PPP3CC: variants seen among roughly 807,000 people sequenced by gnomAD.
The protein encoded by PPP3CC is protein phosphatase 3 catalytic subunit gamma, also known as serine/threonine-protein phosphatase 2B catalytic subunit gamma isoform.
A neutral mutation model predicts 60.3 loss-of-function variants in PPP3CC; 35 were observed. That is an observed-to-expected ratio of 0.58 (90% CI 0.44 to 0.77). The LOEUF (loss-of-function observed/expected upper bound fraction) is 0.77. Among genes scored for constraint, PPP3CC ranks in the 30% least tolerant of loss-of-function variants. PPP3CC has a pLI of 0.00. For synonymous variants in PPP3CC, 206 were observed against 224.3 expected (o/e 0.92, Z 0.73); for missense variants, 570 against 628.9 (o/e 0.91, Z 1.00).
At chr8:22,501,602 A>C (rs1349609781) in intron 4 of PPP3CC, among the ~76,000 whole-genome samples, 1 of 152,218 alleles carries the variant, frequency 6.6e-6, no homozygotes, top group Non-Finnish European at 1.5e-5. Context: ...TGTCGCCACC[A>C]GTGGTAGTTC....
intron 1 of PPP3CC, among the ~76,000 whole-genome samples, chr8:22,443,565 A>C (rs984494064): frequency 6.6e-6 from 1 of 151,412 alleles, no homozygotes; most frequent in African/African-American, 2.4e-5. Flanking sequence ...ATTGCTACGC[A>C]TGCTTATTAT....
At chr8:22,525,461 TTTTC>T (rs754268840) in intron 8 of PPP3CC, among the ~76,000 whole-genome samples, 25 of 151,698 alleles carry the variant, frequency 1.6e-4, no homozygotes, top group Non-Finnish European at 3.4e-4. Context: ...TCTCTCTTTC[TTTTC>T]TTTCTTTTTC....
In PPP3CC at chr8:22,531,255, A is replaced by C. The variant is rs1277955385; in HGVS notation, c.1142-970A>C. ...TGTAAACATAAATTTCTCTTCTCATATTTCTGTCTTCATCTCCTTGTTTCT... is the reference window on the plus strand; with the variant it reads ...TGTAAACATAAATTTCTCTTCTCATCTTTCTGTCTTCATCTCCTTGTTTCT... On this transcript the variant is annotated intron_variant, in intron 10 of 13. Coordinates refer to ENST00000240139, the MANE Select transcript of PPP3CC (RefSeq NM_005605.5). 3 of 1,489,642 alleles carry C rather than the reference A, an allele frequency of 2.0e-6. No homozygotes were observed. In the African/African-American group the frequency reaches 4.2e-5, roughly 21 times the overall value. 92.3% of individuals were successfully genotyped at this position (1,489,642 alleles called of 1,614,324 possible). A position where few individuals can be genotyped will look rare whatever the true frequency, so the allele number is the denominator to read the frequency against.
chr8:22,480,267 CA>C (rs1223028766), intron 3 of PPP3CC, among the ~76,000 whole-genome samples: 1 of 151,936 alleles, frequency 6.6e-6, no homozygotes, highest in Non-Finnish European at 1.5e-5. Flanking sequence ...ATGAGTTATA[CA>C]ATTTTTATGA....
At chr8:22,465,845 T>A (rs543008016) in intron 1 of PPP3CC, among the ~76,000 whole-genome samples, 104 of 152,320 alleles carry the variant, frequency 6.8e-4, no homozygotes, top group Admixed American at 1.0e-3. Flanking sequence ...TTGCTTTTTT[T>A]AAAAAATTAT....
chr8:22,474,101 C>T (rs900384929), intron 1 of PPP3CC, among the ~76,000 whole-genome samples: 2 of 150,986 alleles, frequency 1.3e-5, no homozygotes, highest in African/African-American at 2.4e-5. Context: ...TGCCATGTTG[C>T]CCAGGCTGGT....
At position 22,475,640 on chromosome 8, in the gene PPP3CC, G is replaced by C. The variant is rs1242916412; in HGVS notation, c.372+16G>C. On this transcript the variant is annotated intron_variant, in intron 3 of 13. Transcript: ENST00000240139. ...CAGTATAGAGGTAAAAATTAAACTG[G>C]ATATGTTGGGACTATTATATTGTCT... The C allele has an allele frequency of 1.2e-6, 2 of 1,603,798 alleles. No individual in the cohort carries two copies. Among genetic ancestry groups the C allele is most frequent in the Non-Finnish European group, 8.5e-7 (1 of 1,173,842 alleles).
chr8:22,473,801 A>G (rs891101591), intron 1 of PPP3CC, among the ~76,000 whole-genome samples: 26 of 151,934 alleles, frequency 1.7e-4, no homozygotes, highest in African/African-American at 5.8e-4. Context: ...TACTACAGCA[A>G]ATTATTCTCA....
chr8:22,443,841 G>A (rs1455794015), intron 1 of PPP3CC, among the ~76,000 whole-genome samples: 1 of 152,146 alleles, frequency 6.6e-6, no homozygotes, highest in African/African-American at 2.4e-5. Context: ...GGTGTCACGT[G>A]TGCATAGCTA....
intron 8 of PPP3CC, chr8:22,523,775 T>A (rs150891974): frequency 1.4e-4 from 55 of 385,728 alleles, no homozygotes; most frequent in Admixed American, 1.4e-3. Flanking sequence ...TCAAGCTAGA[T>A]GATACCATTT....
rs574466986 is a variant in PPP3CC, at chr8:22,463,216, G to A, written c.50-11738G>A. Among the ~76,000 whole-genome samples the A allele has an allele frequency of 7.2e-4, 109 of 152,270 alleles. 2 individuals carry two copies. The highest frequency in any genetic ancestry group is 1.4e-3 in the Non-Finnish European group (92 of 68,020). On this transcript the variant is annotated intron_variant, in intron 1 of 13. Coordinates refer to ENST00000240139, the MANE Select transcript of PPP3CC (RefSeq NM_005605.5). ...TGGCTTCTGGCATCTGGGAGGTTGT[G>A]TTCTGATTATCTTGGACATAAATAG...
chr8:22,477,482 A>AAAGAAAGAAAG (rs36057176), intron 3 of PPP3CC, among the ~76,000 whole-genome samples: 2 of 145,978 alleles, frequency 1.4e-5, no homozygotes, highest in Admixed American at 6.8e-5. Context: ...TCAAAAAAAA[A>AAAGAAAGAAAG]AAAGAAAGAA....
chr8:22,506,601 A>G (rs1838927094), intron 4 of PPP3CC, among the ~76,000 whole-genome samples: 1 of 152,146 alleles, frequency 6.6e-6, no homozygotes, highest in African/African-American at 2.4e-5. Flanking sequence ...TTACCTGCAG[A>G]GAGAGGGCAG....
chr8:22,480,742 G>T (rs1167504006), intron 3 of PPP3CC, among the ~76,000 whole-genome samples: 3 of 152,108 alleles, frequency 2.0e-5, no homozygotes, highest in Non-Finnish European at 4.4e-5. Flanking sequence ...GCCTCCCAAA[G>T]TGCCAGGATT....
At chr8:22,522,466 T>G (rs1233840090) in intron 6 of PPP3CC, 25 bp from the exon 7 acceptor site, 6 of 1,565,686 alleles carry the variant, frequency 3.8e-6, no homozygotes, top group Non-Finnish European at 5.2e-6. Context: ...ATTCTGGATT[T>G]ATGTTTTCTA....
intron 12 of PPP3CC, 47 bp from the exon 13 acceptor site, chr8:22,539,422 T>A: frequency 6.2e-7 from 1 of 1,610,028 alleles, no homozygotes; most frequent in Non-Finnish European, 8.5e-7. Context: ...TTACTCACTC[T>A]TTTTCTGTCT....
chr8:22,502,993 T>C (rs1838806393), intron 4 of PPP3CC, among the ~76,000 whole-genome samples: 1 of 152,176 alleles, frequency 6.6e-6, no homozygotes. Context: ...TATAAGTGCA[T>C]GCCATCGCGC....
intron 3 of PPP3CC, among the ~76,000 whole-genome samples, chr8:22,486,313 A>G (rs1423517858): frequency 6.6e-6 from 1 of 152,096 alleles, no homozygotes; most frequent in Non-Finnish European, 1.5e-5. Flanking sequence ...GAAGGCCCTT[A>G]TCCCAGCCCC....
At chr8:22,459,237 C>A (rs1457628433) in intron 1 of PPP3CC, among the ~76,000 whole-genome samples, 1 of 152,140 alleles carries the variant, frequency 6.6e-6, no homozygotes, top group Non-Finnish European at 1.5e-5. Context: ...TGTGCCCAGA[C>A]CATTTTAGTG....
Sources: gnomAD v4.1 joint callset for allele counts (sites outside exome capture counted in the v4.1 genomes callset) on GRCh38, gnomAD v4.1.1 for gene constraint, MANE v1.5 for transcripts, NCBI Gene and HGNC (gene_info 2026-07-23, HGNC 2026-07-21) for gene names.